Variants in GALNTL6 observed in about 807,000 individuals in gnomAD.
The protein encoded by GALNTL6 is polypeptide N-acetylgalactosaminyltransferase like 6, also known as polypeptide N-acetylgalactosaminyltransferase-like 6.
Under a neutral mutation model 73.7 loss-of-function variants are expected in GALNTL6, and 46 were observed. The observed-to-expected ratio is 0.62, with a 90% CI of 0.49 to 0.80. The LOEUF (loss-of-function observed/expected upper bound fraction) is 0.80, where lower values mean the gene tolerates loss of function less well. Ranked by LOEUF, GALNTL6 falls within the 30% of genes least tolerant of loss-of-function variation. The probability of loss-of-function intolerance (pLI) is 0.00; values close to 1 mark genes in which losing one functional copy is unlikely to be tolerated. For missense variants in GALNTL6, 604 were observed against 755.0 expected (o/e 0.80, Z 2.34); for synonymous variants, 259 against 263.7 (o/e 0.98, Z 0.17).
chr4:172,620,042 C>A (rs550060239), intron 5 of GALNTL6, among the ~76,000 whole-genome samples: 1 of 152,258 alleles, frequency 6.6e-6, no homozygotes, highest in African/African-American at 2.4e-5. Flanking sequence ...CTATTTGGGA[C>A]CTATTTTTTT....
At chr4:172,732,153 T>C (rs1438173266) in intron 5 of GALNTL6, among the ~76,000 whole-genome samples, 1 of 152,176 alleles carries the variant, frequency 6.6e-6, no homozygotes, top group Admixed American at 6.5e-5. Context: ...TCCCTGACTA[T>C]TATTGTATTG....
chr4:172,111,079 G>A (rs985424071), intron 2 of GALNTL6, among the ~76,000 whole-genome samples: 2 of 151,730 alleles, frequency 1.3e-5, no homozygotes, highest in Non-Finnish European at 2.9e-5. Context: ...TCTTCTCACA[G>A]GCAATCAGCA....
intron 8 of GALNTL6, among the ~76,000 whole-genome samples, chr4:172,908,880 G>A (rs1747050989): frequency 6.6e-6 from 1 of 151,730 alleles, no homozygotes; most frequent in Non-Finnish European, 1.5e-5. Flanking sequence ...GGCAATCTCA[G>A]TAAAAATGGT....
At chr4:172,794,086 T>C (rs1323765035) in intron 5 of GALNTL6, among the ~76,000 whole-genome samples, 1 of 152,234 alleles carries the variant, frequency 6.6e-6, no homozygotes, top group East Asian at 1.9e-4. Flanking sequence ...TGTTTTTCAA[T>C]GTTTATTGTC....
chr4:172,169,821 A>T (rs1415298826), intron 2 of GALNTL6, among the ~76,000 whole-genome samples: 2 of 152,234 alleles, frequency 1.3e-5, no homozygotes, highest in African/African-American at 2.4e-5. Flanking sequence ...TCTGATAATA[A>T]TCACAAGCTT....
chr4:172,219,899 C>A (rs565165570), intron 2 of GALNTL6, among the ~76,000 whole-genome samples: 5 of 151,864 alleles, frequency 3.3e-5, no homozygotes, highest in African/African-American at 1.2e-4. Context: ...GCTTGCTTAC[C>A]CACGTAAGAA....
At chr4:172,631,522 G>C (rs183355549) in intron 5 of GALNTL6, among the ~76,000 whole-genome samples, 2 of 152,110 alleles carry the variant, frequency 1.3e-5, no homozygotes, top group Admixed American at 1.3e-4. Context: ...ATGTTTTTCC[G>C]ACTGTCAATA....
intron 5 of GALNTL6, among the ~76,000 whole-genome samples, chr4:172,452,818 A>C (rs1033664661): frequency 2.0e-5 from 3 of 152,220 alleles, no homozygotes; most frequent in African/African-American, 7.2e-5. Flanking sequence ...TATTGTATTC[A>C]CTAAGAAGCC....
intron 8 of GALNTL6, among the ~76,000 whole-genome samples, chr4:172,930,778 A>C (rs1411705421): frequency 2.0e-5 from 3 of 152,000 alleles, no homozygotes; most frequent in African/African-American, 4.8e-5. Flanking sequence ...CATTCGCCCA[A>C]CTCAGCCTCC....
chr4:171,836,511 A>G (rs1481334411), intron 2 of GALNTL6, among the ~76,000 whole-genome samples: 1 of 152,164 alleles, frequency 6.6e-6, no homozygotes, highest in Non-Finnish European at 1.5e-5. Context: ...ATATAACTGA[A>G]GACACCCCAG....
intron 2 of GALNTL6, among the ~76,000 whole-genome samples, chr4:172,038,245 C>T (rs1725542728): frequency 6.6e-6 from 1 of 152,110 alleles, no homozygotes; most frequent in Admixed American, 6.6e-5. Context: ...CTGATATACA[C>T]ACATATTTTT....
chr4:172,757,638 C>G (rs1737826623), intron 5 of GALNTL6, among the ~76,000 whole-genome samples: 1 of 152,154 alleles, frequency 6.6e-6, no homozygotes, highest in Admixed American at 6.5e-5. Flanking sequence ...ATTATGCAAA[C>G]TCCATGCAAA....
intron 12 of GALNTL6, among the ~76,000 whole-genome samples, chr4:173,032,783 T>C (rs1041213855): frequency 6.6e-6 from 1 of 152,010 alleles, no homozygotes; most frequent in Non-Finnish European, 1.5e-5. Context: ...AGTGTTTGAA[T>C]GGATTGCAGA....
chr4:172,763,489 T>G (rs1738234670), intron 5 of GALNTL6, among the ~76,000 whole-genome samples: 1 of 152,220 alleles, frequency 6.6e-6, no homozygotes, highest in South Asian at 2.1e-4. Flanking sequence ...CCATTGTCAT[T>G]TATCTTACAA....
Position 172,369,117 on chromosome 4 carries a change from CTACAGAGAGCTGATTGGTCCATTT to C in GALNTL6, c.553+20448_553+20471del, listed in dbSNP as rs1409677855. Among the ~76,000 whole-genome samples, 9 of 152,124 alleles carry C rather than the reference CTACAGAGAGCTGATTGGTCCATTT, an allele frequency of 5.9e-5. No individual in the cohort carries two copies. In the South Asian group the frequency reaches 6.2e-4, roughly 11 times the overall value. ...CCCACATCCTGCTGATTGGTCCATT[CTACAGAGAGCTGATTGGTCCATTT>C]TACAGAGAGCTGATTGGTCTGTTTT... is the stretch of plus-strand genomic sequence containing the variant. On this transcript the variant is annotated intron_variant, in intron 5 of 12. Coordinates refer to ENST00000506823, the MANE Select transcript of GALNTL6 (RefSeq NM_001034845.3).
At chr4:172,571,193 A>G (rs1482588501) in intron 5 of GALNTL6, among the ~76,000 whole-genome samples, 3 of 152,244 alleles carry the variant, frequency 2.0e-5, no homozygotes, top group Non-Finnish European at 4.4e-5. Flanking sequence ...ACACAGATCA[A>G]TAATAGAACA....
At chr4:171,885,351 A>G (rs1038035546) in intron 2 of GALNTL6, among the ~76,000 whole-genome samples, 10 of 152,160 alleles carry the variant, frequency 6.6e-5, no homozygotes, top group Non-Finnish European at 1.3e-4. Context: ...TCACAAACCA[A>G]TACAAAAGAG....
chr4:172,700,563 T>C (rs1186248703), intron 5 of GALNTL6, among the ~76,000 whole-genome samples: 1 of 152,128 alleles, frequency 6.6e-6, no homozygotes, highest in Non-Finnish European at 1.5e-5. Context: ...GTGGTTTACC[T>C]GGTAATGAGG....
intron 3 of GALNTL6, among the ~76,000 whole-genome samples, chr4:172,252,565 A>G (rs1737918410): frequency 6.6e-6 from 1 of 152,138 alleles, no homozygotes; most frequent in Non-Finnish European, 1.5e-5. Context: ...AGAGGATGGG[A>G]AAAGCTTTAT....
Sources: gnomAD v4.1 joint callset for allele counts (sites outside exome capture counted in the v4.1 genomes callset) on GRCh38, gnomAD v4.1.1 for gene constraint, MANE v1.5 for transcripts, NCBI Gene and HGNC (gene_info 2026-07-23, HGNC 2026-07-21) for gene names.